MKLN1: variants seen among roughly 807,000 people sequenced by gnomAD.
The protein encoded by MKLN1 is muskelin.
Under a neutral mutation model 99.0 loss-of-function variants are expected in MKLN1, and 18 were observed. The ratio of observed to expected loss-of-function variants is 0.18; its 90% CI spans 0.13 to 0.27. The LOEUF (loss-of-function observed/expected upper bound fraction) is 0.27, where lower values mean the gene tolerates loss of function less well. MKLN1 is among the 10% of genes least tolerant of loss of function. The probability of loss-of-function intolerance (pLI) is 1.00; values close to 1 mark genes in which losing one functional copy is unlikely to be tolerated. For synonymous variants in MKLN1, 288 were observed against 293.2 expected, an observed-to-expected ratio of 0.98 and a Z score of 0.18; for missense variants, 621 against 875.9, an observed-to-expected ratio of 0.71 and a Z score of 3.67.
In MKLN1 at chr7:131,478,744, T is replaced by G. The variant is rs529109758; in HGVS notation, c.2086+67T>G. ...ATTTGGAAGGTTGGATTTTGGTTTC[T>G]TTTACGTGAAACATCAGGTGAGATG... is the stretch of plus-strand genomic sequence containing the variant. On this transcript the variant is annotated intron_variant, in intron 17 of 17. Coordinates refer to ENST00000352689, the MANE Select transcript of MKLN1 (RefSeq NM_013255.5). 4.0e-5 allele frequency: 62 copies of G among 1,551,592 alleles called. No homozygotes were observed. In the African/African-American group the frequency reaches 7.3e-4, roughly 18 times the overall value.
chr7:131,459,062 A>AT (rs1476523840), intron 12 of MKLN1, among the ~76,000 whole-genome samples: 14 of 152,168 alleles, frequency 9.2e-5, no homozygotes, highest in Admixed American at 5.2e-4. Context: ...AAAACTGTCC[A>AT]TTTTTTTGCT....
At chr7:131,350,592 T>C (rs1799691882) in intron 1 of MKLN1, among the ~76,000 whole-genome samples, 1 of 152,310 alleles carries the variant, frequency 6.6e-6, no homozygotes, top group African/African-American at 2.4e-5. Flanking sequence ...ATTCAGTTTC[T>C]TGCAAGTTGT....
At chr7:131,447,694 A>T (rs1796054863) in intron 12 of MKLN1, among the ~76,000 whole-genome samples, 1 of 152,228 alleles carries the variant, frequency 6.6e-6, no homozygotes, top group South Asian at 2.1e-4. Flanking sequence ...AGTGGATACA[A>T]GGCAATCACA....
At chr7:131,462,312 G>A (rs572759628) in intron 12 of MKLN1, among the ~76,000 whole-genome samples, 21 of 152,156 alleles carry the variant, frequency 1.4e-4, no homozygotes, top group African/African-American at 4.1e-4. Flanking sequence ...TTACATGCAC[G>A]AGCCACTGCA....
intron 3 of MKLN1, among the ~76,000 whole-genome samples, chr7:131,260,391 AAG>A (rs1368346603): frequency 1.3e-5 from 2 of 152,186 alleles, no homozygotes; most frequent in African/African-American, 2.4e-5. Context: ...TAGCCACAAA[AAG>A]AATAAAATAC....
intron 2 of MKLN1, among the ~76,000 whole-genome samples, chr7:131,191,632 G>T (rs1037639458): frequency 2.6e-5 from 4 of 151,946 alleles, no homozygotes; most frequent in African/African-American, 9.7e-5. Flanking sequence ...GAGAGAGAAA[G>T]ATAAAAATCT....
At chr7:131,219,843 TC>T (rs2116450058) in intron 3 of MKLN1, among the ~76,000 whole-genome samples, 1 of 152,318 alleles carries the variant, frequency 6.6e-6, no homozygotes, top group Admixed American at 6.5e-5. Flanking sequence ...AAAAAAAGTT[TC>T]CTCATACTTA....
intron 3 of MKLN1, among the ~76,000 whole-genome samples, chr7:131,265,956 A>C (rs1400055325): frequency 1.3e-5 from 2 of 152,106 alleles, no homozygotes; most frequent in African/African-American, 4.8e-5. Flanking sequence ...AGTGGATCAC[A>C]TGAGGCCAGG....
chr7:131,215,002 T>C (rs150795751), intron 3 of MKLN1, among the ~76,000 whole-genome samples: 1,764 of 152,350 alleles, frequency 0.012, 15 homozygotes, highest in Admixed American at 0.018. Context: ...TTGTATGTGA[T>C]AAATACTGAG....
At chr7:131,208,199 G>A (rs1796848042) in intron 3 of MKLN1, among the ~76,000 whole-genome samples, 1 of 152,222 alleles carries the variant, frequency 6.6e-6, no homozygotes, top group Non-Finnish European at 1.5e-5. Context: ...GACACAGGAG[G>A]AAAGAGGTAG....
intron 3 of MKLN1, among the ~76,000 whole-genome samples, chr7:131,284,568 T>G (rs1798105483): frequency 6.6e-6 from 1 of 152,156 alleles, no homozygotes; most frequent in Admixed American, 6.5e-5. Flanking sequence ...ACAGATACAC[T>G]TTGAATAAAA....
intron 12 of MKLN1, among the ~76,000 whole-genome samples, chr7:131,452,051 G>T (rs759374628): frequency 6.6e-6 from 1 of 152,198 alleles, no homozygotes; most frequent in African/African-American, 2.4e-5. Flanking sequence ...TACTTGTTTT[G>T]ATTTTTAAAT....
At chr7:131,236,757 G>A (rs1011943638) in intron 3 of MKLN1, among the ~76,000 whole-genome samples, 2 of 152,024 alleles carry the variant, frequency 1.3e-5, no homozygotes, top group African/African-American at 4.8e-5. Context: ...GGCATAGGTG[G>A]GAGGATCACT....
chr7:131,201,911 G>T (rs1243766023), intron 2 of MKLN1, among the ~76,000 whole-genome samples: 2 of 152,178 alleles, frequency 1.3e-5, no homozygotes, highest in East Asian at 1.9e-4. Context: ...CATTCATTTT[G>T]CCTGGTGACA....
chr7:131,220,664 A>G (rs1273468829), intron 3 of MKLN1, among the ~76,000 whole-genome samples: 1 of 152,176 alleles, frequency 6.6e-6, no homozygotes, highest in East Asian at 1.9e-4. Context: ...TGAAGCAGCT[A>G]TTCGCTCATG....
At chr7:131,361,865 CATTCTT>C (rs145274666) in intron 1 of MKLN1, among the ~76,000 whole-genome samples, 8,644 of 151,756 alleles carry the variant, frequency 0.057, 316 homozygotes, top group Non-Finnish European at 0.074. Flanking sequence ...TTATGTATGA[CATTCTT>C]ATCTTCATGG....
At chr7:131,223,139 A>T (rs1797086333) in intron 3 of MKLN1, among the ~76,000 whole-genome samples, 1 of 152,192 alleles carries the variant, frequency 6.6e-6, no homozygotes, top group South Asian at 2.1e-4. Flanking sequence ...CTACTTTGGG[A>T]TCTGTTGCCA....
At chr7:131,354,245 TC>T (rs1799807200) in intron 1 of MKLN1, among the ~76,000 whole-genome samples, 1 of 152,136 alleles carries the variant, frequency 6.6e-6, no homozygotes, top group Admixed American at 6.6e-5. Context: ...TGTCGAGTCT[TC>T]CAGTCCACGA....
At chr7:131,168,873 T>TTA (rs2116329456) in intron 2 of MKLN1, among the ~76,000 whole-genome samples, 1 of 150,706 alleles carries the variant, frequency 6.6e-6, no homozygotes, top group East Asian at 1.9e-4. Flanking sequence ...TGTTTTCTTT[T>TTA]TTTTTTTTTT....
Sources: allele counts gnomAD v4.1 joint callset (sites outside exome capture counted in the v4.1 genomes callset), GRCh38; gene constraint gnomAD v4.1.1; transcripts MANE v1.5; gene names NCBI Gene and HGNC (gene_info 2026-07-23, HGNC 2026-07-21).